PCDHA12: variants seen among roughly 807,000 people sequenced by gnomAD.
PCDHA12 encodes protocadherin alpha 12, also known as protocadherin alpha-12.
PCDHA12 carries 44 observed loss-of-function variants against 60.0 expected under a neutral mutation model. That is an observed-to-expected ratio of 0.73 (90% CI 0.58 to 0.94). PCDHA12 has a LOEUF of 0.94. PCDHA12 is among the 40% of genes least tolerant of loss of function. PCDHA12 has a pLI of 0.00. For missense variants in PCDHA12, 1,276 were observed against 1,239.7 expected (o/e 1.03, Z -0.44); for synonymous variants, 569 against 553.0 (o/e 1.03, Z -0.40).
intron 1 of PCDHA12, among the ~76,000 whole-genome samples, chr5:140,921,390 T>G (rs2080194479): frequency 6.6e-6 from 1 of 152,164 alleles, no homozygotes; most frequent in Non-Finnish European, 1.5e-5. Context: ...TTGATAAACA[T>G]TCACACTAGA....
intron 1 of PCDHA12, chr5:140,967,133 G>C: frequency 6.2e-7 from 1 of 1,611,928 alleles, no homozygotes; most frequent in East Asian, 2.2e-5. Flanking sequence ...CAGCTTGGAA[G>C]TGCTGGCGCA....
intron 3 of PCDHA12, among the ~76,000 whole-genome samples, chr5:140,984,776 G>C (rs1310495858): frequency 6.6e-6 from 1 of 152,062 alleles, no homozygotes; most frequent in Non-Finnish European, 1.5e-5. Context: ...AAGCTTACTT[G>C]CTGGGTGAGC....
intron 1 of PCDHA12, among the ~76,000 whole-genome samples, chr5:140,941,202 C>CTTTCTTTCTTTCTTTCTTTCTTT (rs1554213921): frequency 9.0e-5 from 11 of 122,780 alleles, no homozygotes; most frequent in East Asian, 8.9e-4. Flanking sequence ...TTTCTTTCTT[C>CTTTCTTTCTTTCTTTCTTTCTTT]CTTTCTTTCT....
intron 1 of PCDHA12, among the ~76,000 whole-genome samples, chr5:140,886,270 T>A (rs957205805): frequency 2.0e-5 from 3 of 151,996 alleles, no homozygotes; most frequent in Admixed American, 6.5e-5. Flanking sequence ...ATAGATAAAA[T>A]TTTTTAAAAT....
intron 1 of PCDHA12, among the ~76,000 whole-genome samples, chr5:140,933,412 A>G (rs1466318521): frequency 2.6e-5 from 4 of 152,066 alleles, no homozygotes; most frequent in Non-Finnish European, 5.9e-5. Flanking sequence ...ATCTACAGAT[A>G]TTCTGTGTTC....
intron 1 of PCDHA12, among the ~76,000 whole-genome samples, chr5:140,917,523 G>A (rs1201312809): frequency 2.0e-5 from 3 of 152,182 alleles, no homozygotes; most frequent in Non-Finnish European, 4.4e-5. Context: ...TTATTCTACG[G>A]TTTGTATAGT....
rs553859456 is a variant in PCDHA12 at position 140,938,056 on chromosome 5, A to G, written c.2368-40893A>G. Among the ~76,000 whole-genome samples, 1,107 of 152,294 alleles carry G rather than the reference A, an allele frequency of 7.3e-3. 4 individuals carry two copies. Among genetic ancestry groups the G allele is most frequent in the Admixed American group, 0.012 (189 of 15,304 alleles). ...TTTATATTTTGGGTTTTCTACATATACTGTCATGCTATTCCCAAATAATGT... is the reference window on the plus strand; with the variant it reads ...TTTATATTTTGGGTTTTCTACATATGCTGTCATGCTATTCCCAAATAATGT... On this transcript the variant is annotated intron_variant, in intron 1 of 3. Coordinates refer to ENST00000398631, the MANE Select transcript of PCDHA12 (RefSeq NM_018903.4).
rs77308266 is a variant in PCDHA12 at position 140,916,313 on chromosome 5, A to C, written c.2367+38474A>C. On this transcript the variant is annotated intron_variant, in intron 1 of 3. Transcript: ENST00000398631. ...GCCAAACTGGTACCAAAGGTGCAAG[A>C]CAAAGTCCCCTTTACTTTTTCCTCT... Among the ~76,000 whole-genome samples the C allele has an allele frequency of 8.0e-3, 1,216 of 152,336 alleles. 6 individuals are homozygous for C. The highest frequency in any genetic ancestry group is 0.019 in the African/African-American group (784 of 41,584).
intron 1 of PCDHA12, among the ~76,000 whole-genome samples, chr5:140,975,986 G>C (rs1554237183): frequency 6.6e-6 from 1 of 152,112 alleles, no homozygotes; most frequent in East Asian, 1.9e-4. Context: ...ATAGTCCTGG[G>C]AGGTACCATC....
chr5:140,881,491 C>A (rs1476916826), intron 1 of PCDHA12: 2 of 285,934 alleles, frequency 7.0e-6, no homozygotes, highest in Non-Finnish European at 1.1e-5. Flanking sequence ...TGTGTTTATG[C>A]ACATACACAC....
intron 1 of PCDHA12, chr5:140,884,580 C>G: frequency 6.2e-7 from 1 of 1,614,150 alleles, no homozygotes; most frequent in Non-Finnish European, 8.5e-7. Context: ...GACCTCATGG[C>G]CTTCAGTCCC....
At chr5:140,986,031 G>A (rs1443664535) in intron 3 of PCDHA12, among the ~76,000 whole-genome samples, 5 of 152,198 alleles carry the variant, frequency 3.3e-5, no homozygotes, top group South Asian at 2.1e-4. Flanking sequence ...GAGCCACTGC[G>A]CCTGGCCTCA....
intron 1 of PCDHA12, among the ~76,000 whole-genome samples, chr5:140,943,825 T>C (rs1421631991): frequency 6.6e-6 from 1 of 152,128 alleles, no homozygotes; most frequent in East Asian, 1.9e-4. Context: ...GAAAATGAGT[T>C]GATTGAAGTT....
At chr5:140,987,990 C>T (rs57614084) in intron 3 of PCDHA12, among the ~76,000 whole-genome samples, 1 of 152,190 alleles carries the variant, frequency 6.6e-6, no homozygotes, top group African/African-American at 2.4e-5. Context: ...GACTCCATCT[C>T]TGATCCTTCC....
chr5:140,938,698 T>C (rs1430283682), intron 1 of PCDHA12, among the ~76,000 whole-genome samples: 1 of 152,194 alleles, frequency 6.6e-6, no homozygotes, highest in East Asian at 1.9e-4. Context: ...TTTTTAAATA[T>C]ATGTTTATGA....
intron 1 of PCDHA12, among the ~76,000 whole-genome samples, chr5:140,917,890 T>C (rs782473137): frequency 1.3e-5 from 2 of 152,098 alleles, no homozygotes; most frequent in Non-Finnish European, 2.9e-5. Context: ...TTTTTTTCCA[T>C]ATGAATGTTA....
At chr5:140,908,662 G>C (rs1489476593) in intron 1 of PCDHA12, among the ~76,000 whole-genome samples, 4 of 152,114 alleles carry the variant, frequency 2.6e-5, no homozygotes, top group Non-Finnish European at 4.4e-5. Context: ...CCTGCCAAAG[G>C]CTCCAAATAG....
intron 1 of PCDHA12, among the ~76,000 whole-genome samples, chr5:140,945,740 C>A (rs966678098): frequency 5.9e-5 from 9 of 151,998 alleles, no homozygotes; most frequent in African/African-American, 2.2e-4. Flanking sequence ...AAAAGGACAG[C>A]CTCTTCAATA....
At chr5:140,897,833 C>T (rs1366388258) in intron 1 of PCDHA12, among the ~76,000 whole-genome samples, 14 of 152,138 alleles carry the variant, frequency 9.2e-5, no homozygotes, top group African/African-American at 3.4e-4. Flanking sequence ...TATTTCTCCA[C>T]ATCCTCTCCA....
Sources: gnomAD v4.1 joint callset for allele counts (sites outside exome capture counted in the v4.1 genomes callset) on GRCh38, gnomAD v4.1.1 for gene constraint, MANE v1.5 for transcripts, NCBI Gene and HGNC (gene_info 2026-07-23, HGNC 2026-07-21) for gene names.